The following IQCM variants were observed in gnomAD, a reference collection of about 807,000 sequenced individuals.
IQCM encodes IQ domain-containing protein M.
IQCM carries 45 observed loss-of-function variants against 57.6 expected under a neutral mutation model. The ratio of observed to expected loss-of-function variants is 0.78; its 90% CI spans 0.62 to 1.00. The LOEUF is 1.00. Among genes scored for constraint, IQCM ranks in the 50% least tolerant of loss-of-function variants. IQCM has a pLI of 0.00. For synonymous variants in IQCM, 148 were observed against 158.9 expected (o/e 0.93, Z 0.51); for missense variants, 468 against 511.6 (o/e 0.91, Z 0.82).
At chr4:149,619,416 G>T (rs1756118983) in intron 8 of IQCM, among the ~76,000 whole-genome samples, 2 of 151,982 alleles carry the variant, frequency 1.3e-5, no homozygotes, top group African/African-American at 4.8e-5. Context: ...TGGAAGCCCA[G>T]ACTTCAGCAC....
At chr4:149,570,014 A>G (rs529358171) in intron 9 of IQCM, among the ~76,000 whole-genome samples, 1 of 152,064 alleles carries the variant, frequency 6.6e-6, no homozygotes, top group Admixed American at 6.6e-5. Flanking sequence ...AAATGGTTTC[A>G]ACTAACCCTT....
At chr4:149,407,690 A>G (rs185275160) in intron 13 of IQCM, among the ~76,000 whole-genome samples, 4 of 152,292 alleles carry the variant, frequency 2.6e-5, no homozygotes, top group Non-Finnish European at 5.9e-5. Flanking sequence ...CATAGTGTAT[A>G]TGTACCACAT....
intron 12 of IQCM, among the ~76,000 whole-genome samples, chr4:149,542,637 C>A (rs961314043): frequency 1.3e-5 from 2 of 151,890 alleles, no homozygotes; most frequent in African/African-American, 4.8e-5. Flanking sequence ...GGGTAGAAAC[C>A]AACTGATGAC....
At chr4:149,399,144 G>T (rs1170051783) in intron 13 of IQCM, among the ~76,000 whole-genome samples, 2 of 152,060 alleles carry the variant, frequency 1.3e-5, no homozygotes, top group East Asian at 3.9e-4. Context: ...TATGAATAGA[G>T]TAACATTCAT....
At chr4:149,689,885 C>G (rs568960256) in intron 5 of IQCM, among the ~76,000 whole-genome samples, 1 of 151,384 alleles carries the variant, frequency 6.6e-6, no homozygotes, top group Non-Finnish European at 1.5e-5. Context: ...TGTGAAAGAA[C>G]AGCCATAATC....
At chr4:149,370,021 A>G (rs1248177363) in intron 13 of IQCM, among the ~76,000 whole-genome samples, 1 of 152,240 alleles carries the variant, frequency 6.6e-6, no homozygotes, top group Non-Finnish European at 1.5e-5. Context: ...TTAGCCTCCC[A>G]GGTAGCTGGG....
intron 13 of IQCM, among the ~76,000 whole-genome samples, chr4:149,403,702 C>T (rs893260472): frequency 1.3e-5 from 2 of 151,754 alleles, no homozygotes; most frequent in Non-Finnish European, 2.9e-5. Context: ...CATAATGGGA[C>T]AGATGGAGGA....
chr4:149,629,599 A>G (rs1238165426), intron 7 of IQCM, among the ~76,000 whole-genome samples: 39 of 152,102 alleles, frequency 2.6e-4, no homozygotes, highest in Admixed American at 2.6e-3. Flanking sequence ...AATTGTCTTT[A>G]GGCAGCAGAA....
At chr4:149,409,976 G>C (rs2111169387) in intron 13 of IQCM, among the ~76,000 whole-genome samples, 1 of 152,290 alleles carries the variant, frequency 6.6e-6, no homozygotes, top group South Asian at 2.1e-4. Flanking sequence ...ACGAGATCAG[G>C]AGTTCAAGAC....
intron 2 of IQCM, among the ~76,000 whole-genome samples, chr4:149,766,633 T>G (rs867781901): frequency 3.3e-5 from 5 of 152,180 alleles, no homozygotes; most frequent in Non-Finnish European, 7.4e-5. Context: ...AAGCCCATTT[T>G]ATTGTCCCCA....
At chr4:149,766,579 C>T (rs1770080985) in intron 2 of IQCM, among the ~76,000 whole-genome samples, 2 of 152,172 alleles carry the variant, frequency 1.3e-5, no homozygotes, top group African/African-American at 4.8e-5. Context: ...TGTATTGTCC[C>T]AAAGGCTGGG....
intron 2 of IQCM, among the ~76,000 whole-genome samples, chr4:149,788,144 G>C (rs1252537807): frequency 1.3e-5 from 2 of 152,110 alleles, no homozygotes; most frequent in Admixed American, 1.3e-4. Flanking sequence ...GACCAGCCTG[G>C]CCAACATGGT....
At chr4:149,811,561 C>G (rs1051997762) in intron 2 of IQCM, among the ~76,000 whole-genome samples, 1 of 152,122 alleles carries the variant, frequency 6.6e-6, no homozygotes, top group Non-Finnish European at 1.5e-5. Flanking sequence ...CAAAGTTTAT[C>G]TTTGGCATTT....
chr4:149,682,042 T>C (rs1334146849), intron 7 of IQCM, 76 bp downstream of exon 7: 1 of 519,912 alleles, frequency 1.9e-6, no homozygotes, highest in African/African-American at 2.0e-5. Flanking sequence ...ATACTAGCTC[T>C]TTGTTTTTGC....
At chr4:149,582,840 GGA>G (rs1752333534) in intron 9 of IQCM, among the ~76,000 whole-genome samples, 1 of 151,462 alleles carries the variant, frequency 6.6e-6, no homozygotes, top group African/African-American at 2.4e-5. Flanking sequence ...CAAAATTTCA[GGA>G]GAGACCAAAG....
At chr4:149,684,948 T>A (rs1282065342) in intron 6 of IQCM, among the ~76,000 whole-genome samples, 1 of 151,446 alleles carries the variant, frequency 6.6e-6, no homozygotes, top group Non-Finnish European at 1.5e-5. Context: ...TTGCTCTTAA[T>A]TTCAAAGGAT....
intron 7 of IQCM, among the ~76,000 whole-genome samples, chr4:149,664,245 C>G (rs1383239977): frequency 6.6e-6 from 1 of 151,946 alleles, no homozygotes; most frequent in Admixed American, 6.6e-5. Context: ...TTGTATCTCC[C>G]TGAGCTTCCT....
intron 13 of IQCM, among the ~76,000 whole-genome samples, chr4:149,430,879 G>A (rs561732761): frequency 6.6e-6 from 1 of 152,046 alleles, no homozygotes; most frequent in African/African-American, 2.4e-5. Context: ...TGTAATGCCT[G>A]GTTGTATGGC....
At chr4:149,504,338 T>C (rs1384563186) in intron 12 of IQCM, among the ~76,000 whole-genome samples, 1 of 152,228 alleles carries the variant, frequency 6.6e-6, no homozygotes, top group Non-Finnish European at 1.5e-5. Flanking sequence ...AAGAACAATA[T>C]AGACAAATCA....
Sources: gnomAD v4.1 joint callset for allele counts (sites outside exome capture counted in the v4.1 genomes callset) on GRCh38, gnomAD v4.1.1 for gene constraint, MANE v1.5 for transcripts, NCBI Gene and HGNC (gene_info 2026-07-23, HGNC 2026-07-21) for gene names.